Variants in EYS observed in about 807,000 individuals in gnomAD.
EYS encodes EGF-like photoreceptor maintenance factor, also known as protein eyes shut homolog.
EYS carries 250 observed loss-of-function variants against 282.1 expected under a neutral mutation model. The observed-to-expected ratio is 0.89, with a 90% CI of 0.80 to 0.98. The LOEUF (loss-of-function observed/expected upper bound fraction) is 0.98. Ranked by LOEUF, EYS falls within the 50% of genes least tolerant of loss-of-function variation. The pLI is 0.00. For synonymous variants in EYS, 1,355 were observed against 1,282.9 expected (o/e 1.06, Z -1.20); for missense variants, 4,016 against 3,709.0 (o/e 1.08, Z -2.15).
At chr6:65,312,944 T>C (rs1769199808) in intron 11 of EYS, among the ~76,000 whole-genome samples, 2 of 152,098 alleles carry the variant, frequency 1.3e-5, no homozygotes, top group Admixed American at 1.3e-4. Flanking sequence ...GCGTTGTCAC[T>C]TCCCCTAATT....
At position 64,490,405 on chromosome 6, in the gene EYS, T is replaced by G. The variant is rs189966184; in HGVS notation, c.5645-51053A>C. ...GAAGGTAATGTCTAACTGTTTAATTTTGTCATACAAATCAATATTTTACAA... is the reference window on the plus strand; with the variant it reads ...GAAGGTAATGTCTAACTGTTTAATTGTGTCATACAAATCAATATTTTACAA... On this transcript the variant is annotated intron_variant, in intron 26 of 42. Coordinates refer to ENST00000503581, the MANE Select transcript of EYS (RefSeq NM_001142800.2). 4.6e-5 allele frequency among the ~76,000 whole-genome samples: 7 copies of G among 151,104 alleles called. No individual in the cohort carries two copies. In the South Asian group the frequency reaches 1.2e-3, roughly 27 times the overall value.
At chr6:64,603,148 G>C (rs914944834) in intron 24 of EYS, among the ~76,000 whole-genome samples, 1 of 151,966 alleles carries the variant, frequency 6.6e-6, no homozygotes, top group Non-Finnish European at 1.5e-5. Context: ...CCCTTTTTGG[G>C]ATAACTATTT....
At position 64,100,659 on chromosome 6, in the gene EYS, C is replaced by A. The variant is rs773001466; in HGVS notation, c.6425-18657G>T. On this transcript the variant is annotated intron_variant, in intron 31 of 42. Transcript: ENST00000503581. ...AAAGTAAACTTACATTTGCTTCTTC[C>A]AAATATCCTGACACTTTCATACTGG... Among the ~76,000 whole-genome samples the A allele has an allele frequency of 5.9e-5, 9 of 152,172 alleles. No individual in the cohort carries two copies. The East Asian group carries it at 1.7e-3, about 29-fold the overall frequency.
chr6:65,691,839 ACCCTTTT>A (rs1283915797), intron 1 of EYS, among the ~76,000 whole-genome samples: 2 of 150,190 alleles, frequency 1.3e-5, no homozygotes, highest in African/African-American at 4.9e-5. Flanking sequence ...TAAATAGGGA[ACCCTTTT>A]CCCATTTCTT....
chr6:63,946,893 C>A (rs57766752), intron 35 of EYS, among the ~76,000 whole-genome samples: 1 of 151,628 alleles, frequency 6.6e-6, no homozygotes, highest in East Asian at 1.9e-4. Context: ...TCCCATTTAC[C>A]CTGATGTGAT....
chr6:63,726,429 T>C (rs1255108466), intron 42 of EYS, 90 bp downstream of exon 42: 1 of 1,152,190 alleles, frequency 8.7e-7, no homozygotes, highest in Non-Finnish European at 1.2e-6. Context: ...TGTTTACATA[T>C]TTAAATACTA....
intron 12 of EYS, among the ~76,000 whole-genome samples, chr6:65,251,693 A>G (rs2150283446): frequency 6.6e-6 from 1 of 152,040 alleles, no homozygotes; most frequent in South Asian, 2.1e-4. Flanking sequence ...ATGCCAGTGA[A>G]TTTACCATTT....
At chr6:64,345,887 C>A (rs537814769) in intron 29 of EYS, among the ~76,000 whole-genome samples, 1 of 151,870 alleles carries the variant, frequency 6.6e-6, no homozygotes, top group Non-Finnish European at 1.5e-5. Flanking sequence ...AAAAAGTGGG[C>A]GAAGGATATG....
At chr6:64,241,389 T>C in intron 30 of EYS, among the ~76,000 whole-genome samples, 1 of 152,120 alleles carries the variant, frequency 6.6e-6, no homozygotes, top group Non-Finnish European at 1.5e-5. Flanking sequence ...TTTTTTTGGT[T>C]GGTAGCTATT....
chr6:63,864,232 A>G lies in EYS; in HGVS notation c.7182T>C (p.Ile2394=), dbSNP rs1438190625. The change falls in exon 36 of 43, where the codon ATT becomes ATC. Residue 2394 remains isoleucine (I), a synonymous_variant. Transcript: ENST00000503581. Reference sequence around the variant, plus strand: ...ACCTCCCATATGGGCAGAGGCAGACAATATCTGTTCCGGATTTTGGAACAC... The same window carrying G: ...ACCTCCCATATGGGCAGAGGCAGACGATATCTGTTCCGGATTTTGGAACAC... The part of the protein sequence containing the change: ...ATCVPKSGTD[I]VCLCPYGRSG... 2 of 1,550,922 alleles carry G rather than the reference A, an allele frequency of 1.3e-6. No individual in the cohort carries two copies. Among genetic ancestry groups the G allele is most frequent in the Non-Finnish European group, 1.7e-6 (2 of 1,146,508 alleles).
chr6:64,191,482 C>CG (rs1403727921), intron 31 of EYS, among the ~76,000 whole-genome samples: 12 of 145,440 alleles, frequency 8.3e-5, no homozygotes, highest in African/African-American at 2.7e-4. Context: ...TCCCTTCCCC[C>CG]CCCACCCCAA....
In EYS at chr6:65,668,387, G is replaced by A. The variant is rs546506389; in HGVS notation, c.-447-28495C>T. On this transcript the variant is annotated intron_variant, in intron 1 of 42. Transcript: ENST00000503581. ...ACCTCATTATTTTATATTGGGTCTT[G>A]GCTAACTGTGGCTCTTGGACTAAAT... is the stretch of plus-strand genomic sequence containing the variant. Among the ~76,000 whole-genome samples, 3 of 151,834 alleles carry A rather than the reference G, an allele frequency of 2.0e-5. No homozygotes were observed. In the East Asian group the frequency reaches 5.8e-4, roughly 29 times the overall value.
chr6:65,142,523 G>A lies in EYS; in HGVS notation c.2024-84796C>T, dbSNP rs187935506. ...ACACACACACACACACACACACAGA[G>A]TTCCAATACTAATTTCTTGATTTCA... On this transcript the variant is annotated intron_variant, in intron 12 of 42. Transcript: ENST00000503581. Among the ~76,000 whole-genome samples, 204 of 93,150 alleles carry A rather than the reference G, an allele frequency of 2.2e-3. 2 individuals carry two copies. Among genetic ancestry groups the A allele is most frequent in the South Asian group, 0.014 (42 of 3,036 alleles). The allele number at this position is 93,150 out of a possible 152,430, so 61.1% of individuals were successfully genotyped here. A position where few individuals can be genotyped will look rare whatever the true frequency, so the allele number is the denominator to read the frequency against.
At chr6:65,420,741 T>C (rs1366350074) in intron 5 of EYS, among the ~76,000 whole-genome samples, 2 of 151,912 alleles carry the variant, frequency 1.3e-5, no homozygotes, top group South Asian at 2.1e-4. Flanking sequence ...AAAAATATTC[T>C]TTTATTGGTG....
At chr6:65,427,466 A>G (rs1454128382) in intron 5 of EYS, among the ~76,000 whole-genome samples, 1 of 152,088 alleles carries the variant, frequency 6.6e-6, no homozygotes, top group Non-Finnish European at 1.5e-5. Flanking sequence ...AATATTATAA[A>G]ATATTTCTCT....
intron 22 of EYS, among the ~76,000 whole-genome samples, chr6:64,790,998 A>ACATGC (rs1262108160): frequency 6.6e-6 from 1 of 151,850 alleles, no homozygotes; most frequent in African/African-American, 2.4e-5. Flanking sequence ...GCAGTTTTTC[A>ACATGC]CATGCTGAAA....
intron 30 of EYS, among the ~76,000 whole-genome samples, chr6:64,298,729 C>A (rs1390621787): frequency 6.6e-6 from 1 of 151,880 alleles, no homozygotes; most frequent in Non-Finnish European, 1.5e-5. Context: ...AAAACAGAAA[C>A]CTGCAGAATG....
At chr6:65,229,137 G>A (rs968683891) in intron 12 of EYS, among the ~76,000 whole-genome samples, 4 of 151,914 alleles carry the variant, frequency 2.6e-5, no homozygotes, top group African/African-American at 9.7e-5. Context: ...CAAATAAACA[G>A]AATTGACTTT....
chr6:65,618,860 T>G (rs1307261274), intron 2 of EYS, among the ~76,000 whole-genome samples: 2 of 152,278 alleles, frequency 1.3e-5, no homozygotes, highest in East Asian at 3.9e-4. Context: ...ATCAGACAGT[T>G]GTAGATATGC....
Sources: allele counts gnomAD v4.1 joint callset (sites outside exome capture counted in the v4.1 genomes callset), GRCh38; gene constraint gnomAD v4.1.1; transcripts MANE v1.5; gene names NCBI Gene and HGNC (gene_info 2026-07-23, HGNC 2026-07-21).